The following AP3S1 variants were observed in gnomAD, a reference collection of about 807,000 sequenced individuals.
AP3S1 encodes AP-3 complex subunit sigma-1.
In AP3S1, 12 loss-of-function variants were observed where a neutral mutation model predicts 21.3. The ratio of observed to expected loss-of-function variants is 0.56; its 90% CI spans 0.36 to 0.91. The LOEUF is 0.91. Ranked by LOEUF, AP3S1 falls within the 40% of genes least tolerant of loss-of-function variation. The pLI is 0.01. For missense variants in AP3S1, 116 were observed against 225.0 expected (o/e 0.52, Z 3.10); for synonymous variants, 48 against 78.4 (o/e 0.61, Z 2.05).
At chr5:115,862,944 C>G (rs1463534977) in intron 1 of AP3S1, among the ~76,000 whole-genome samples, 1 of 152,148 alleles carries the variant, frequency 6.6e-6, no homozygotes, top group Non-Finnish European at 1.5e-5. Flanking sequence ...TTCAATGAAT[C>G]CAGCAAAAGG....
At chr5:115,902,688 C>T (rs1230309586) in intron 4 of AP3S1, among the ~76,000 whole-genome samples, 197 bp from the exon 5 acceptor site, 3 of 152,060 alleles carry the variant, frequency 2.0e-5, no homozygotes, top group Non-Finnish European at 1.5e-5. Flanking sequence ...GCCCATTAAG[C>T]TCAGACTTAA....
intron 4 of AP3S1, among the ~76,000 whole-genome samples, chr5:115,902,460 A>C (rs922302737): frequency 3.9e-5 from 6 of 152,320 alleles, no homozygotes; most frequent in African/African-American, 1.4e-4. Context: ...TTCATTAAGT[A>C]CCATGAGTGT....
intron 5 of AP3S1, chr5:115,908,956 G>A: frequency 1.0e-6 from 1 of 978,214 alleles, no homozygotes; most frequent in African/African-American, 1.8e-5. Context: ...TATTAATGTT[G>A]GTGTTCTTTC....
intron 3 of AP3S1, among the ~76,000 whole-genome samples, chr5:115,871,360 A>G (rs574118110): frequency 2.0e-5 from 3 of 152,126 alleles, no homozygotes; most frequent in Non-Finnish European, 4.4e-5. Flanking sequence ...GTTCATATGT[A>G]TAATTCTCCC....
At position 115,913,408 on chromosome 5, in the gene AP3S1, A is replaced by G. The variant is rs775482998; in HGVS notation, c.500A>G (p.Asn167Ser). ...GCCCGTGCTGTATCAGCTGTAAAGA[A>G]TATGAATCTTCCTGAGATCCCAAGA... is the stretch of plus-strand genomic sequence containing the variant. Reference protein sequence around the residue: ...APARAVSAVKNMNLPEIPRNI... With the variant: ...APARAVSAVKSMNLPEIPRNI... Residue 167 changes from asparagine to serine, a missense_variant, in exon 6 of 6, where the codon AAT (asparagine) becomes AGT (serine). Physicochemically the swap from Asn to Ser is conservative, Grantham distance 46 (BLOSUM62 1). This residue lies in a region of AP3S1 where 65 missense variants were observed against 148.2 expected (regional missense o/e 0.44). Transcript: ENST00000316788. 3 of 1,613,864 alleles carry G rather than the reference A, an allele frequency of 1.9e-6. No homozygotes were observed. The highest frequency in any genetic ancestry group is 2.2e-5 in the East Asian group (1 of 44,888).
At chr5:115,855,904 G>A (rs1341076967) in intron 1 of AP3S1, among the ~76,000 whole-genome samples, 3 of 152,032 alleles carry the variant, frequency 2.0e-5, no homozygotes, top group African/African-American at 7.3e-5. Flanking sequence ...TTAGAGGGAA[G>A]TTTTAAAGTT....
chr5:115,864,827 A>G (rs769027216), intron 1 of AP3S1, among the ~76,000 whole-genome samples: 1 of 152,220 alleles, frequency 6.6e-6, no homozygotes, highest in Non-Finnish European at 1.5e-5. Context: ...ACAATGCCAG[A>G]TGATAAGGAA....
chr5:115,866,591 A>C (rs1269313981), intron 1 of AP3S1, 79 bp from the exon 2 acceptor site: 1 of 960,108 alleles, frequency 1.0e-6, no homozygotes, highest in Non-Finnish European at 1.5e-6. Context: ...AGATATTGCT[A>C]CCTTTGATTT....
Position 115,841,955 on chromosome 5 carries a change from T to C in AP3S1, c.-83T>C. On this transcript the variant is annotated 5_prime_UTR_variant, in exon 1 of 6. Coordinates refer to ENST00000316788, the MANE Select transcript of AP3S1 (RefSeq NM_001284.4). Reference sequence around the variant, plus strand: ...GCGGGAGGGGGCGGGTGGGGAAGGATCGCAGGCGAGATTACGAGGCGAGGC... The same window carrying C: ...GCGGGAGGGGGCGGGTGGGGAAGGACCGCAGGCGAGATTACGAGGCGAGGC... 1 of 1,530,956 alleles carries C rather than the reference T, an allele frequency of 6.5e-7. No homozygotes were observed. Among genetic ancestry groups the C allele is most frequent in the South Asian group, 1.2e-5 (1 of 82,484 alleles). The allele number at this position is 1,530,956 out of a possible 1,614,324, so 94.8% of individuals were successfully genotyped here.
intron 3 of AP3S1, among the ~76,000 whole-genome samples, chr5:115,876,514 A>C (rs1046054183): frequency 2.0e-5 from 3 of 152,188 alleles, no homozygotes; most frequent in African/African-American, 7.2e-5. Context: ...CAAATTTAAC[A>C]TTAACCACAG....
chr5:115,873,675 A>G (rs1161873538), intron 3 of AP3S1, among the ~76,000 whole-genome samples: 1 of 152,200 alleles, frequency 6.6e-6, no homozygotes, highest in African/African-American at 2.4e-5. Flanking sequence ...ATGGAAGTGC[A>G]TAGCTTATTA....
rs759417771 is a variant in AP3S1 at position 115,895,071 on chromosome 5, T to C, written c.274-16T>C. 7.6e-6 allele frequency: 12 copies of C among 1,570,918 alleles called. No individual in the cohort carries two copies. Among genetic ancestry groups the C allele is most frequent in the Non-Finnish European group, 9.5e-6 (11 of 1,152,170 alleles). Reference sequence around the variant, plus strand: ...AAATTTAAACAGTTCTTAAAACCTTTTTTCTTTTTCCATAGGTATTTGTGG... The same window carrying C: ...AAATTTAAACAGTTCTTAAAACCTTCTTTCTTTTTCCATAGGTATTTGTGG... On this transcript the variant is annotated splice_polypyrimidine_tract_variant and intron_variant, in intron 3 of 5. Transcript: ENST00000316788.
intron 1 of AP3S1, among the ~76,000 whole-genome samples, chr5:115,847,543 C>A (rs2112769601): frequency 6.6e-6 from 1 of 152,270 alleles, no homozygotes; most frequent in East Asian, 1.9e-4. Context: ...TCACTGAGCT[C>A]CGGAGATCAA....
chr5:115,867,330 T>C (rs932524947), intron 2 of AP3S1, among the ~76,000 whole-genome samples: 2 of 152,184 alleles, frequency 1.3e-5, no homozygotes, highest in Non-Finnish European at 2.9e-5. Context: ...ATTTTACTGT[T>C]ACAAGACTGA....
intron 4 of AP3S1, chr5:115,898,580 G>A (rs1476643958): frequency 6.6e-6 from 1 of 152,222 alleles, no homozygotes; most frequent in Non-Finnish European, 1.5e-5. Context: ...TGGTGGTTTG[G>A]TGGTGGGGAT....
intron 1 of AP3S1, among the ~76,000 whole-genome samples, chr5:115,863,068 G>T (rs1763320040): frequency 6.6e-6 from 1 of 152,142 alleles, no homozygotes; most frequent in African/African-American, 2.4e-5. Context: ...TTCGAGACCA[G>T]CCTGGCCAAT....
chr5:115,909,907 A>G (rs1340977712), intron 5 of AP3S1, among the ~76,000 whole-genome samples: 1 of 152,174 alleles, frequency 6.6e-6, no homozygotes, highest in African/African-American at 2.4e-5. Flanking sequence ...TTTATAAAAT[A>G]GGCACGGTAA....
chr5:115,898,865 AT>A (rs1371910161), intron 4 of AP3S1: 1 of 152,278 alleles, frequency 6.6e-6, no homozygotes, highest in Non-Finnish European at 1.5e-5. Context: ...CTATATGTTT[AT>A]TGTGGATTTG....
intron 1 of AP3S1, among the ~76,000 whole-genome samples, chr5:115,862,991 G>A (rs1561484478): frequency 6.6e-6 from 1 of 152,188 alleles, no homozygotes; most frequent in Non-Finnish European, 1.5e-5. Context: ...GGTCAGGCAC[G>A]GTGGCTCATG....
Sources: gnomAD v4.1 joint callset for allele counts (sites outside exome capture counted in the v4.1 genomes callset) on GRCh38, gnomAD v4.1.1 for gene constraint, gnomAD v4.1.1 regional missense constraint, MANE v1.5 for transcripts, NCBI Gene and HGNC (gene_info 2026-07-23, HGNC 2026-07-21) for gene names.